OXCT1: variants seen among roughly 807,000 people sequenced by gnomAD.
OXCT1 encodes the protein succinyl-CoA:3-ketoacid coenzyme A transferase 1, mitochondrial.
OXCT1 carries 27 observed loss-of-function variants against 69.6 expected under a neutral mutation model. The ratio of observed to expected loss-of-function variants is 0.39; its 90% CI spans 0.29 to 0.54. OXCT1 has a LOEUF of 0.54. OXCT1 is among the 20% of genes least tolerant of loss of function. The probability of loss-of-function intolerance (pLI) is 0.72; values close to 1 mark genes in which losing one functional copy is unlikely to be tolerated. For synonymous variants in OXCT1, 202 were observed against 217.8 expected (o/e 0.93, Z 0.64); for missense variants, 437 against 650.2 (o/e 0.67, Z 3.57).
chr5:41,841,430 A>G (rs1319003601), intron 6 of OXCT1, among the ~76,000 whole-genome samples: 1 of 152,134 alleles, frequency 6.6e-6, no homozygotes, highest in African/African-American at 2.4e-5. Flanking sequence ...GTCAGAGGCA[A>G]AGGAGTCCCA....
At chr5:41,827,370 C>T (rs1747857993) in intron 7 of OXCT1, among the ~76,000 whole-genome samples, 1 of 152,098 alleles carries the variant, frequency 6.6e-6, no homozygotes, top group Non-Finnish European at 1.5e-5. Flanking sequence ...GCCCAGTCAT[C>T]GAGTCCAGGA....
intron 5 of OXCT1, among the ~76,000 whole-genome samples, chr5:41,845,172 C>A (rs11739106): frequency 6.6e-6 from 1 of 152,062 alleles, no homozygotes; most frequent in African/African-American, 2.4e-5. Flanking sequence ...TCCCCAAACA[C>A]GGCAAGCCTG....
At chr5:41,744,702 T>C (rs1743377289) in intron 15 of OXCT1, among the ~76,000 whole-genome samples, 1 of 152,168 alleles carries the variant, frequency 6.6e-6, no homozygotes, top group African/African-American at 2.4e-5. Context: ...CAAAGGCCTT[T>C]TCTGCATCTA....
chr5:41,778,984 C>CAATA (rs1745264948), intron 13 of OXCT1, among the ~76,000 whole-genome samples: 1 of 152,136 alleles, frequency 6.6e-6, no homozygotes, highest in East Asian at 1.9e-4. Flanking sequence ...GTGATTTTCA[C>CAATA]CATAGCATTG....
chr5:41,804,772 A>C (rs1180464071), intron 9 of OXCT1, among the ~76,000 whole-genome samples: 5 of 152,112 alleles, frequency 3.3e-5, no homozygotes, highest in African/African-American at 9.6e-5. Context: ...TGGAAGACTG[A>C]CATTCATGGA....
At chr5:41,832,333 C>CAGAGAGAGAG (rs148562121) in intron 7 of OXCT1, among the ~76,000 whole-genome samples, 39 of 147,124 alleles carry the variant, frequency 2.7e-4, no homozygotes, top group African/African-American at 9.0e-4. Flanking sequence ...CGGTTCAGCA[C>CAGAGAGAGAG]AGAGAGAGAG....
At position 41,870,018 on chromosome 5, in the gene OXCT1, C is replaced by CGTAT; in HGVS notation, c.78+262_78+263insATAC. The CGTAT allele has an allele frequency of 3.9e-5, 20 of 508,552 alleles. No homozygotes were observed. Among genetic ancestry groups the CGTAT allele is most frequent in the Admixed American group, 1.9e-4 (6 of 30,944 alleles). The allele number at this position is 508,552 out of a possible 1,614,324, so 31.5% of individuals were successfully genotyped here. A position where few individuals can be genotyped will look rare whatever the true frequency, so the allele number is the denominator to read the frequency against. ...GGAGCGCTGCCAGGAGTCCTCCCGC[C>CGTAT]CCTTCTCAGCCTCTCCGCGCGCTTC... On this transcript the variant is annotated intron_variant, in intron 1 of 16. Transcript: ENST00000196371. The surrounding 1 kb of genome is among the most constrained non-coding windows in gnomAD (Gnocchi z 4.2).
At position 41,762,208 on chromosome 5, in the gene OXCT1, AC is replaced by A; in HGVS notation, c.1249-9del. On this transcript the variant is annotated splice_polypyrimidine_tract_variant and intron_variant, in intron 13 of 16. Transcript: ENST00000196371. This position sits in a 1 kb window ranked among gnomAD's most constrained non-coding sequence, Gnocchi z 4.0. ...TCCTTTCACCATCTTCCCCTGCAAA[AC>A]AAAAAATAAATAGCTCTGTATCTTT... 1 of 1,603,776 alleles carries A rather than the reference AC, an allele frequency of 6.2e-7. No homozygotes were observed. The highest frequency in any genetic ancestry group is 8.5e-7 in the Non-Finnish European group (1 of 1,170,792).
In OXCT1 at chr5:41,840,443, C is replaced by G. The variant is rs779176680; in HGVS notation, c.732+8G>C. ...ATTAACACCAAGAATTCAAAAATAA[C>G]CTCTTACCTCTACCACTGTGGTTTC... is the stretch of plus-strand genomic sequence containing the variant. On this transcript the variant is annotated splice_region_variant and intron_variant, in intron 7 of 16. Coordinates refer to ENST00000196371, the MANE Select transcript of OXCT1 (RefSeq NM_000436.4). 15 of 1,603,320 alleles carry G rather than the reference C, an allele frequency of 9.4e-6. No individual in the cohort carries two copies. The highest frequency in any genetic ancestry group is 3.3e-4 in the Middle Eastern group (2 of 6,046).
chr5:41,780,113 A>T (rs1209657332), intron 13 of OXCT1, among the ~76,000 whole-genome samples: 1 of 152,192 alleles, frequency 6.6e-6, no homozygotes, highest in Non-Finnish European at 1.5e-5. Flanking sequence ...AGGAAATTAA[A>T]GGTATACAAG....
chr5:41,842,608 A>G (rs915085601), intron 6 of OXCT1, 67 bp downstream of exon 6: 3 of 1,118,122 alleles, frequency 2.7e-6, no homozygotes, highest in Non-Finnish European at 4.1e-6. Flanking sequence ...TTAAATTCCA[A>G]ATTCACTCTG....
chr5:41,755,364 G>A (rs1257409778), intron 14 of OXCT1, among the ~76,000 whole-genome samples: 4 of 151,952 alleles, frequency 2.6e-5, no homozygotes, highest in Non-Finnish European at 5.9e-5. Flanking sequence ...GTTTTTAAAG[G>A]TGAATTTTTT....
In OXCT1 at chr5:41,762,770, A is replaced by G. The variant is rs1446102393; in HGVS notation, c.1249-570T>C. On this transcript the variant is annotated intron_variant, in intron 13 of 16. Transcript: ENST00000196371. The surrounding 1 kb of genome is among the most constrained non-coding windows in gnomAD (Gnocchi z 4.0). ...AAATAAAATAAAAAACATTCTTGCT[A>G]AGCAAAAACAGAACACAGAAACAGA... Among the ~76,000 whole-genome samples, 1 of 152,144 alleles carries G rather than the reference A, an allele frequency of 6.6e-6. No individual in the cohort carries two copies. The highest frequency in any genetic ancestry group is 1.5e-5 in the Non-Finnish European group (1 of 68,016).
chr5:41,868,111 C>T (rs1750084637), intron 1 of OXCT1, among the ~76,000 whole-genome samples: 1 of 152,180 alleles, frequency 6.6e-6, no homozygotes, highest in Non-Finnish European at 1.5e-5. Context: ...AATGCTGATG[C>T]ACTCTCAGGT....
chr5:41,866,036 C>A (rs1185766723), intron 1 of OXCT1, among the ~76,000 whole-genome samples: 3 of 136,262 alleles, frequency 2.2e-5, no homozygotes, highest in Non-Finnish European at 4.8e-5. Context: ...CCCCCCCCAC[C>A]GCTTATCCAC....
In OXCT1 at chr5:41,805,423, TA is replaced by T. The variant is rs878997637; in HGVS notation, c.955+143del. On this transcript the variant is annotated intron_variant, in intron 9 of 16. Coordinates refer to ENST00000196371, the MANE Select transcript of OXCT1 (RefSeq NM_000436.4). Reference sequence around the variant, plus strand: ...CCTTTGGATTATATGCCACATTTTGTAAAAAAAAAAAAAAAATTGATTAATT... The same window carrying T: ...CCTTTGGATTATATGCCACATTTTGTAAAAAAAAAAAAAAATTGATTAATT... The T allele has an allele frequency of 0.22, 115,595 of 536,770 alleles. 86 individuals carry two copies. Among genetic ancestry groups the T allele is most frequent in the East Asian group, 0.26 (7,972 of 30,180 alleles). The allele number at this position is 536,770 out of a possible 1,614,324, so 33.3% of individuals were successfully genotyped here. A position where few individuals can be genotyped will look rare whatever the true frequency, so the allele number is the denominator to read the frequency against.
chr5:41,821,489 G>T (rs775899831), intron 7 of OXCT1, among the ~76,000 whole-genome samples: 1 of 152,298 alleles, frequency 6.6e-6, no homozygotes, highest in Admixed American at 6.5e-5. Flanking sequence ...GTAATTGCTG[G>T]ATTATTTGGT....
chr5:41,796,616 C>T (rs1465883581), intron 11 of OXCT1, among the ~76,000 whole-genome samples: 3 of 152,162 alleles, frequency 2.0e-5, no homozygotes, highest in Non-Finnish European at 4.4e-5. Flanking sequence ...ATAAATACTT[C>T]ATCTTGATAT....
chr5:41,766,988 A>G (rs1308528833), intron 13 of OXCT1, among the ~76,000 whole-genome samples: 1 of 152,150 alleles, frequency 6.6e-6, no homozygotes, highest in Non-Finnish European at 1.5e-5. Flanking sequence ...ACCCACCTCA[A>G]TCCAAATGTA....
Sources: gnomAD v4.1 joint callset for allele counts (sites outside exome capture counted in the v4.1 genomes callset) on GRCh38, gnomAD v4.1.1 for gene constraint, Gnocchi (gnomAD v3.1) non-coding constraint, MANE v1.5 for transcripts, NCBI Gene and HGNC (gene_info 2026-07-23, HGNC 2026-07-21) for gene names.